The following CUX1 variants were observed in gnomAD, a reference collection of about 807,000 sequenced individuals.
CUX1 encodes protein CASP.
In CUX1, 31 loss-of-function variants were observed where a neutral mutation model predicts 158.8. The observed-to-expected ratio is 0.20, with a 90% CI of 0.15 to 0.26. The LOEUF (loss-of-function observed/expected upper bound fraction) is 0.26. Among genes scored for constraint, CUX1 ranks in the 10% least tolerant of loss-of-function variants. The pLI, the probability that CUX1 is intolerant of heterozygous loss-of-function variation, is 1.00. For synonymous variants in CUX1, 879 were observed against 862.1 expected (o/e 1.02, Z -0.34); for missense variants, 1,589 against 2,014.6 (o/e 0.79, Z 4.04).
chr7:102,175,286 G>C (rs868937503), intron 10 of CUX1, among the ~76,000 whole-genome samples: 1 of 152,182 alleles, frequency 6.6e-6, no homozygotes, highest in African/African-American at 2.4e-5. Flanking sequence ...TTTGACTTGC[G>C]CCTTGTAAAA....
chr7:102,019,603 C>T (rs1347915500), intron 2 of CUX1, among the ~76,000 whole-genome samples: 1 of 152,102 alleles, frequency 6.6e-6, no homozygotes, highest in African/African-American at 2.4e-5. Context: ...GGGTACCCCT[C>T]GCTGCTTACC....
chr7:101,975,111 C>T (rs562041259), intron 2 of CUX1, among the ~76,000 whole-genome samples: 7 of 152,044 alleles, frequency 4.6e-5, no homozygotes, highest in South Asian at 4.2e-4. Context: ...CTTAGCCGGG[C>T]GTGATGGGAG....
At chr7:102,274,749 C>G (rs781884822) in intron 16 of CUX1, among the ~76,000 whole-genome samples, 3 of 152,248 alleles carry the variant, frequency 2.0e-5, no homozygotes, top group Non-Finnish European at 2.9e-5. Flanking sequence ...TCAGCCAGGC[C>G]TCACTGCCAA....
At chr7:102,233,471 C>T (rs1239534512) in intron 21 of CUX1, among the ~76,000 whole-genome samples, 5 of 152,116 alleles carry the variant, frequency 3.3e-5, no homozygotes, top group African/African-American at 4.8e-5. Context: ...TTCCGGCCAC[C>T]GCACCAGGCT....
At chr7:102,058,196 A>G (rs1350472833) in intron 3 of CUX1, among the ~76,000 whole-genome samples, 2 of 152,236 alleles carry the variant, frequency 1.3e-5, no homozygotes, top group African/African-American at 2.4e-5. Flanking sequence ...CTATGATACA[A>G]ACATAACTTT....
chr7:101,957,438 A>C (rs1809911657), intron 2 of CUX1, among the ~76,000 whole-genome samples: 2 of 151,884 alleles, frequency 1.3e-5, no homozygotes, highest in Admixed American at 1.3e-4. Flanking sequence ...ACTTTTTTTT[A>C]GGCAGGGAAC....
At chr7:102,196,232 G>A (rs1554518269) in intron 14 of CUX1, among the ~76,000 whole-genome samples, 2 of 152,244 alleles carry the variant, frequency 1.3e-5, no homozygotes, top group African/African-American at 4.8e-5. Context: ...AGCAAGAGGT[G>A]CGAGCGAATC....
In CUX1 at chr7:102,257,722, A is replaced by G. The variant is rs1790048626; in HGVS notation, c.*8680A>G. 2.1e-6 allele frequency: 2 copies of G among 974,260 alleles called. No individual in the cohort carries two copies. The highest frequency in any genetic ancestry group is 4.8e-5 in the South Asian group (1 of 20,940). 60.4% of individuals were successfully genotyped at this position (974,260 alleles called of 1,614,324 possible). The stretch of plus-strand genomic sequence containing the variant: ...GCTCAGCTCCCCCCACCCCACCCCC[A>G]CTCTAGCGTTTTGTCACGTCTTACA... On this transcript the variant is annotated 3_prime_UTR_variant, in exon 24 of 24. Transcript: ENST00000292535.
intron 9 of CUX1, among the ~76,000 whole-genome samples, chr7:102,166,642 T>C (rs537817964): frequency 1.3e-5 from 2 of 152,194 alleles, no homozygotes; most frequent in Non-Finnish European, 2.9e-5. Context: ...ACTTCTCAGC[T>C]CCTGAAATGA....
Position 102,006,216 on chromosome 7 carries a change from T to G in CUX1, c.142-21882T>G, listed in dbSNP as rs541867245. Among the ~76,000 whole-genome samples the G allele has an allele frequency of 7.9e-5, 12 of 152,140 alleles. No individual in the cohort carries two copies. In the East Asian group the frequency reaches 1.4e-3, roughly 17 times the overall value. ...TCCACTGGCTCGGAAGTCGGTCTCT[T>G]TCAGTTTGGAGCCTCCAGTTGGAAA... On this transcript the variant is annotated intron_variant, in intron 2 of 23. Transcript: ENST00000292535.
chr7:102,217,823 G>A (rs975015248), intron 20 of CUX1, among the ~76,000 whole-genome samples: 4 of 145,348 alleles, frequency 2.8e-5, no homozygotes, highest in Admixed American at 6.7e-5. Context: ...GAGGGAGGGA[G>A]GATCTGGATG....
At chr7:102,277,930 C>CA in intron 17 of CUX1, 2 of 1,145,576 alleles carry the variant, frequency 1.7e-6, no homozygotes, top group Non-Finnish European at 2.5e-6. Flanking sequence ...CACCCCTTTC[C>CA]TTGCCCCTCC....
intron 14 of CUX1, among the ~76,000 whole-genome samples, chr7:102,270,286 C>T (rs953931310): frequency 2.0e-5 from 3 of 152,204 alleles, no homozygotes; most frequent in Non-Finnish European, 4.4e-5. Context: ...CTCCCGTGGC[C>T]GGTGAGGCCC....
rs1789893715 is a variant in CUX1, at chr7:102,256,335, C to T, written c.*7293C>T. On this transcript the variant is annotated 3_prime_UTR_variant, in exon 24 of 24. Coordinates refer to ENST00000292535, the MANE Select transcript of CUX1 (RefSeq NM_181552.4). Reference sequence around the variant, plus strand: ...TTGAGAAAAAAAAAATTATTTCTATCCTCTTCTATTTATTATTAGGTTAAT... The same window carrying T: ...TTGAGAAAAAAAAAATTATTTCTATTCTCTTCTATTTATTATTAGGTTAAT... 1.0e-6 allele frequency: 1 copy of T among 984,374 alleles called. No individual in the cohort carries two copies. Among genetic ancestry groups the T allele is most frequent in the Non-Finnish European group, 1.2e-6 (1 of 829,078 alleles). The allele number at this position is 984,374 out of a possible 1,614,324, so 61.0% of individuals were successfully genotyped here. A position where few individuals can be genotyped will look rare whatever the true frequency, so the allele number is the denominator to read the frequency against.
intron 3 of CUX1, among the ~76,000 whole-genome samples, chr7:102,044,597 C>G (rs181943492): frequency 1.8e-3 from 269 of 152,264 alleles, no homozygotes; most frequent in Non-Finnish European, 3.2e-3. Context: ...GGGCCCGTAT[C>G]TTGTCTTAGA....
At chr7:102,088,971 T>C (rs1828245713) in intron 4 of CUX1, among the ~76,000 whole-genome samples, 1 of 152,148 alleles carries the variant, frequency 6.6e-6, no homozygotes, top group Admixed American at 6.5e-5. Context: ...TTCTGGGAAA[T>C]GTATGTTTGG....
At chr7:101,989,999 G>T (rs1203872353) in intron 2 of CUX1, among the ~76,000 whole-genome samples, 1 of 152,188 alleles carries the variant, frequency 6.6e-6, no homozygotes, top group East Asian at 1.9e-4. Context: ...GCCCGACTGT[G>T]GAGAGACTCC....
intron 8 of CUX1, among the ~76,000 whole-genome samples, chr7:102,140,573 T>C (rs1834333478): frequency 6.6e-6 from 1 of 150,976 alleles, no homozygotes; most frequent in Non-Finnish European, 1.5e-5. Flanking sequence ...TTGTTAAGAG[T>C]TCGAGGCTGG....
chr7:101,947,496 T>A (rs1333653782), intron 2 of CUX1, among the ~76,000 whole-genome samples: 1 of 152,212 alleles, frequency 6.6e-6, no homozygotes, highest in Admixed American at 6.5e-5. Context: ...CACACCTTCA[T>A]CAGTTTCTTA....
Sources: allele counts gnomAD v4.1 joint callset (sites outside exome capture counted in the v4.1 genomes callset), GRCh38; gene constraint gnomAD v4.1.1; transcripts MANE v1.5; gene names NCBI Gene and HGNC (gene_info 2026-07-23, HGNC 2026-07-21).